The following CALN1 variants were observed in gnomAD, a reference collection of about 807,000 sequenced individuals.
CALN1 encodes the protein calneuron 1.
Under a neutral mutation model 30.6 loss-of-function variants are expected in CALN1, and 17 were observed. The ratio of observed to expected loss-of-function variants is 0.56; its 90% CI spans 0.38 to 0.83. The LOEUF (loss-of-function observed/expected upper bound fraction) is 0.83, where lower values mean the gene tolerates loss of function less well. CALN1 is among the 40% of genes least tolerant of loss of function. CALN1 has a pLI of 0.00. For missense variants in CALN1, 291 were observed against 354.9 expected, an observed-to-expected ratio of 0.82 and a Z score of 1.45; for synonymous variants, 156 against 131.4, an observed-to-expected ratio of 1.19 and a Z score of -1.28.
At chr7:71,955,799 A>G (rs1211443341) in intron 5 of CALN1, among the ~76,000 whole-genome samples, 1 of 151,846 alleles carries the variant, frequency 6.6e-6, no homozygotes, top group Admixed American at 6.6e-5. Flanking sequence ...CTTATTTCAG[A>G]CCAAGCAGAC....
chr7:72,088,673 T>A (rs1185229108), intron 4 of CALN1, among the ~76,000 whole-genome samples: 1 of 136,736 alleles, frequency 7.3e-6, no homozygotes, highest in African/African-American at 2.8e-5. Context: ...CACTCCAGCC[T>A]GGGAGACAGA....
chr7:71,958,883 T>G (rs1486525888), intron 5 of CALN1, among the ~76,000 whole-genome samples: 2 of 152,044 alleles, frequency 1.3e-5, no homozygotes, highest in Non-Finnish European at 2.9e-5. Context: ...ACAACAGACA[T>G]TGCCCAGAGT....
intron 2 of CALN1, among the ~76,000 whole-genome samples, chr7:72,400,869 T>G (rs1034277860): frequency 6.6e-6 from 1 of 152,154 alleles, no homozygotes; most frequent in African/African-American, 2.4e-5. Flanking sequence ...CTTCTGTCCC[T>G]TGCAACCAAT....
chr7:71,794,914 G>T (rs898970068), intron 6 of CALN1, among the ~76,000 whole-genome samples: 3 of 152,180 alleles, frequency 2.0e-5, no homozygotes, highest in South Asian at 2.1e-4. Context: ...ACTCTTCCCC[G>T]CTTCCTGGCT....
At chr7:72,132,775 C>CA (rs1160311282) in intron 3 of CALN1, among the ~76,000 whole-genome samples, 1 of 152,130 alleles carries the variant, frequency 6.6e-6, no homozygotes, top group Non-Finnish European at 1.5e-5. Context: ...CGGCTCTCTC[C>CA]AAGACAATGT....
At chr7:71,971,739 A>G (rs1177767437) in intron 5 of CALN1, among the ~76,000 whole-genome samples, 8 of 151,678 alleles carry the variant, frequency 5.3e-5, no homozygotes, top group African/African-American at 1.9e-4. Flanking sequence ...CTCTACAAAA[A>G]AGTAAAAAAT....
chr7:72,449,413 A>G (rs2129564678), upstream of CALN1, among the ~76,000 whole-genome samples: 1 of 152,306 alleles, frequency 6.6e-6, no homozygotes, highest in Non-Finnish European at 1.5e-5. Context: ...TGGACCCTGC[A>G]CTGGGCCAGC....
chr7:72,234,826 C>A (rs1794368450), intron 3 of CALN1, among the ~76,000 whole-genome samples: 1 of 152,188 alleles, frequency 6.6e-6, no homozygotes, highest in Admixed American at 6.5e-5. Flanking sequence ...TCTCCAGATG[C>A]TGGATCTCGG....
chr7:71,901,538 A>C (rs1190247161), intron 5 of CALN1, among the ~76,000 whole-genome samples: 9 of 152,204 alleles, frequency 5.9e-5, no homozygotes, highest in Admixed American at 3.3e-4. Flanking sequence ...GGCTGCAGTA[A>C]CCAAAACAGA....
intron 3 of CALN1, among the ~76,000 whole-genome samples, chr7:72,277,273 CCAA>C (rs1221114538): frequency 6.6e-6 from 1 of 152,208 alleles, no homozygotes; most frequent in Non-Finnish European, 1.5e-5. Flanking sequence ...CCTGAACAGA[CCAA>C]GACACCACCC....
intron 5 of CALN1, among the ~76,000 whole-genome samples, chr7:71,851,774 T>C (rs904305290): frequency 3.9e-5 from 6 of 151,956 alleles, no homozygotes; most frequent in Non-Finnish European, 5.9e-5. Context: ...TGGAGAAATA[T>C]AATAGATGCA....
At chr7:72,411,043 A>G (rs1363164621) in intron 1 of CALN1, among the ~76,000 whole-genome samples, 2 of 152,234 alleles carry the variant, frequency 1.3e-5, no homozygotes, top group Admixed American at 6.5e-5. Context: ...TGAATTTAGT[A>G]AAGCATTAGA....
intron 2 of CALN1, among the ~76,000 whole-genome samples, chr7:72,399,746 A>G (rs1806213747): frequency 6.6e-6 from 1 of 152,208 alleles, no homozygotes; most frequent in East Asian, 1.9e-4. Flanking sequence ...CTGGAGGGAT[A>G]TAGCTTGGGT....
chr7:72,476,960 C>CTTTGGG, the CALN1 span, among the ~76,000 whole-genome samples: 63 of 152,336 alleles, frequency 4.1e-4, no homozygotes, highest in Admixed American at 7.2e-4. Flanking sequence ...CATGTAATCC[C>CTTTGGG]AGCACTTTGG....
chr7:72,338,470 A>AGAGAGTGTGTGTGT (rs1031551970), intron 2 of CALN1, among the ~76,000 whole-genome samples: 8 of 74,762 alleles, frequency 1.1e-4, no homozygotes, highest in East Asian at 8.3e-4. Context: ...CCAGCAGCAC[A>AGAGAGTGTGTGTGT]GTGTGTGTGT....
chr7:71,994,033 A>C (rs1799106233), intron 5 of CALN1, among the ~76,000 whole-genome samples: 2 of 152,172 alleles, frequency 1.3e-5, no homozygotes, highest in Non-Finnish European at 2.9e-5. Flanking sequence ...TAATGGAATA[A>C]TATTTTCAGA....
chr7:71,933,671 G>A (rs980471863), intron 5 of CALN1, among the ~76,000 whole-genome samples: 5 of 152,172 alleles, frequency 3.3e-5, no homozygotes, highest in African/African-American at 1.2e-4. Flanking sequence ...GCAGTCAGTA[G>A]AAGCTTAACG....
chr7:72,161,953 T>C (rs1250625969), intron 3 of CALN1, among the ~76,000 whole-genome samples: 1 of 151,748 alleles, frequency 6.6e-6, no homozygotes, highest in East Asian at 1.9e-4. Context: ...TTGGTGATTC[T>C]TGTAATGTCA....
At chr7:72,170,851 C>T (rs530692072) in intron 3 of CALN1, among the ~76,000 whole-genome samples, 1 of 152,258 alleles carries the variant, frequency 6.6e-6, no homozygotes, top group South Asian at 2.1e-4. Flanking sequence ...GGATGCTGAA[C>T]AATGAATATG....
Sources: gnomAD v4.1 joint callset for allele counts (sites outside exome capture counted in the v4.1 genomes callset) on GRCh38, gnomAD v4.1.1 for gene constraint, MANE v1.5 for transcripts, NCBI Gene and HGNC (gene_info 2026-07-23, HGNC 2026-07-21) for gene names.